Variants in HTR3E observed in about 807,000 individuals in gnomAD.
The protein encoded by HTR3E is 5-hydroxytryptamine receptor 3E, also known as 5-hydroxytryptamine (serotonin) receptor 3, family member E.
A neutral mutation model predicts 38.0 loss-of-function variants in HTR3E; 38 were observed. The ratio of observed to expected loss-of-function variants is 1.00; its 90% CI spans 0.77 to 1.31. The LOEUF is 1.31. Ranked by LOEUF, HTR3E falls within the 50% of genes most tolerant of loss-of-function variation. The pLI, the probability that HTR3E is intolerant of heterozygous loss-of-function variation, is 0.00. For missense variants in HTR3E, 547 were observed against 585.2 expected (o/e 0.93, Z 0.67); for synonymous variants, 210 against 232.9 (o/e 0.90, Z 0.89).
chr3:184,104,716 CAAAAAAAAAAAAA>C (rs66667882), intron 4 of HTR3E, 58 bp from the exon 5 acceptor site: 15 of 837,444 alleles, frequency 1.8e-5, no homozygotes, highest in South Asian at 1.2e-4. Context: ...GATCCTGTCT[CAAAAAAAAAAAAA>C]AAAAAAAAAG....
intron 1 of HTR3E, among the ~76,000 whole-genome samples, chr3:184,098,043 C>T (rs188118999): frequency 7.9e-5 from 12 of 152,326 alleles, no homozygotes; most frequent in African/African-American, 2.9e-4. Flanking sequence ...ACCATTGTAG[C>T]AAAGTGCCCA....
chr3:184,104,364 GC>G (rs1712274119), intron 4 of HTR3E, 73 bp downstream of exon 4: 1 of 1,546,036 alleles, frequency 6.5e-7, no homozygotes, highest in Non-Finnish European at 8.7e-7. Flanking sequence ...TACCATTGGG[GC>G]CACTGTAAGT....
intron 3 of HTR3E, 30 bp from the exon 4 acceptor site, chr3:184,104,152 A>C (rs776474652): frequency 1.3e-6 from 2 of 1,521,470 alleles, no homozygotes; most frequent in Admixed American, 4.3e-5. Flanking sequence ...AAAAGGCAGG[A>C]GACTCACCTC....
chr3:184,100,285 T>C (rs2108989121), intron 1 of HTR3E, 200 bp from the exon 2 acceptor site: 2 of 1,411,510 alleles, frequency 1.4e-6, no homozygotes, highest in South Asian at 2.6e-5. Context: ...AAGCAGTATC[T>C]ACCTGATAGG....
At chr3:184,099,041 T>TA (rs976244372) in intron 1 of HTR3E, among the ~76,000 whole-genome samples, 8 of 150,806 alleles carry the variant, frequency 5.3e-5, no homozygotes, top group Non-Finnish European at 1.0e-4. Flanking sequence ...AGACTCCCTC[T>TA]AAAAAAAATT....
chr3:184,105,140 G>A (rs1384199190), intron 5 of HTR3E, 127 bp from the exon 6 acceptor site: 4 of 1,234,184 alleles, frequency 3.2e-6, no homozygotes, highest in Admixed American at 5.5e-5. Flanking sequence ...CCAAGCTCCT[G>A]GCAAGTTTCC....
At chr3:184,100,455 T>C in intron 1 of HTR3E, 30 bp from the exon 2 acceptor site, 2 of 1,614,198 alleles carry the variant, frequency 1.2e-6, no homozygotes, top group Non-Finnish European at 1.7e-6. Context: ...GTTGCTCTCC[T>C]TCATCTCACA....
intron 3 of HTR3E, among the ~76,000 whole-genome samples, chr3:184,102,441 G>A (rs1184376404): frequency 7.1e-6 from 1 of 141,328 alleles, no homozygotes; most frequent in Non-Finnish European, 1.5e-5. Context: ...TGTAGCCTGG[G>A]CAACAGAGTG....
chr3:184,098,401 T>C (rs1711777350), intron 1 of HTR3E, among the ~76,000 whole-genome samples: 1 of 152,194 alleles, frequency 6.6e-6, no homozygotes, highest in African/African-American at 2.4e-5. Context: ...ATAACTGTCA[T>C]CTCTCCTCGT....
rs749249040 is a variant in HTR3E, at chr3:184,104,317, G to A, written c.389+26G>A. 1.4e-5 allele frequency: 23 copies of A among 1,591,240 alleles called. No individual in the cohort carries two copies. In the South Asian group the frequency reaches 2.6e-4, roughly 18 times the overall value. ...GTGCGTATCAAGGGCTGGTCAGAGG[G>A]AAGTCCCATCTCCTGGTAGCCACAG... On this transcript the variant is annotated intron_variant, in intron 4 of 8. Coordinates refer to ENST00000415389, the MANE Select transcript of HTR3E (RefSeq NM_001256613.2).
At chr3:184,097,957 T>C (rs1194260226) in intron 1 of HTR3E, among the ~76,000 whole-genome samples, 1 of 152,262 alleles carries the variant, frequency 6.6e-6, no homozygotes, top group Non-Finnish European at 1.5e-5. Flanking sequence ...TCGTCTTCTC[T>C]TGTATTTAGC....
intron 3 of HTR3E, among the ~76,000 whole-genome samples, chr3:184,101,800 G>T (rs1367212190): frequency 6.6e-6 from 1 of 152,110 alleles, no homozygotes; most frequent in Non-Finnish European, 1.5e-5. Context: ...GACCAACCTG[G>T]CCAACATGGT....
At chr3:184,097,982 A>G (rs184919422) in intron 1 of HTR3E, among the ~76,000 whole-genome samples, 37 of 152,316 alleles carry the variant, frequency 2.4e-4, no homozygotes, top group African/African-American at 8.9e-4. Context: ...ATATCCATCC[A>G]TCTTTCTATC....
Position 184,105,954 on chromosome 3 carries a change from G to A in HTR3E, c.910G>A (p.Gly304Ser), listed in dbSNP as rs1219481384. 31 of 1,614,112 alleles carry A rather than the reference G, an allele frequency of 1.9e-5. No individual in the cohort carries two copies. Among genetic ancestry groups the A allele is most frequent in the Non-Finnish European group, 2.6e-5 (31 of 1,180,018 alleles). Residue 304 changes from glycine to serine, a missense_variant, in exon 7 of 9, where the codon GGC (glycine) becomes AGC (serine). Gly to Ser is a moderately conservative substitution (Grantham distance 56). Coordinates refer to ENST00000415389, the MANE Select transcript of HTR3E (RefSeq NM_001256613.2). ...GATGAGTGACTTGCTCCCCACCAGT[G>A]GCACCCCCCTCATCGGTATGGCTCC... Reference protein sequence around the residue: ...LMMSDLLPTSGTPLIGVYFAL... With the variant: ...LMMSDLLPTSSTPLIGVYFAL...
chr3:184,104,124 T>C (rs756120692), intron 3 of HTR3E, 58 bp from the exon 4 acceptor site: 4 of 1,231,892 alleles, frequency 3.2e-6, no homozygotes, highest in Admixed American at 6.2e-5. Flanking sequence ...CATAACTTTT[T>C]TTTTTAAAGA....
At chr3:184,104,584 G>A (rs1386417502) in intron 4 of HTR3E, among the ~76,000 whole-genome samples, 2 of 149,352 alleles carry the variant, frequency 1.3e-5, no homozygotes, top group South Asian at 2.1e-4. Flanking sequence ...CTGGTGGTGC[G>A]CCTGTAGTCC....
chr3:184,100,716 G>GC, intron 2 of HTR3E, 65 bp downstream of exon 2: 1 of 1,562,294 alleles, frequency 6.4e-7, no homozygotes, highest in South Asian at 1.2e-5. Flanking sequence ...TGGCAAAGTG[G>GC]CCCCCCAAAG....
chr3:184,101,195 C>T (rs1712019110), intron 2 of HTR3E, among the ~76,000 whole-genome samples: 2 of 152,300 alleles, frequency 1.3e-5, no homozygotes, highest in East Asian at 1.9e-4. Context: ...CTGCCTGTCT[C>T]GGCCTCCCAG....
Position 184,097,502 on chromosome 3 carries a change from T to A in HTR3E, c.-28T>A. The A allele has an allele frequency of 1.3e-6, 2 of 1,518,894 alleles. No homozygotes were observed. The highest frequency in any genetic ancestry group is 2.4e-5 in the South Asian group (2 of 83,658). 94.1% of individuals were successfully genotyped at this position (1,518,894 alleles called of 1,614,324 possible). The stretch of plus-strand genomic sequence containing the variant: ...CTGGGCATTCCTGGGTCCCAGTACA[T>A]GTTCAGAGAAGAACTTAGACAAAGA... On this transcript the variant is annotated 5_prime_UTR_variant, in exon 1 of 9. An upstream start codon of the reference 5' UTR is lost. Coordinates refer to ENST00000415389, the MANE Select transcript of HTR3E (RefSeq NM_001256613.2).
Sources: gnomAD v4.1 joint callset for allele counts (sites outside exome capture counted in the v4.1 genomes callset) on GRCh38, gnomAD v4.1.1 for gene constraint, MANE v1.5 for transcripts, NCBI Gene and HGNC (gene_info 2026-07-23, HGNC 2026-07-21) for gene names.